SYT1: variants seen among roughly 807,000 people sequenced by gnomAD.
SYT1 encodes synaptotagmin 1, also known as synaptotagmin-1.
SYT1 carries 8 observed loss-of-function variants against 44.8 expected under a neutral mutation model. The ratio of observed to expected loss-of-function variants is 0.18; its 90% CI spans 0.10 to 0.32. The LOEUF is 0.32. SYT1 is among the 10% of genes least tolerant of loss of function. SYT1 has a pLI of 1.00. For synonymous variants in SYT1, 154 were observed against 188.8 expected (o/e 0.82, Z 1.51); for missense variants, 286 against 509.3 (o/e 0.56, Z 4.22).
At chr12:79,043,290 C>G (rs898074145) in intron 2 of SYT1, among the ~76,000 whole-genome samples, 4 of 150,830 alleles carry the variant, frequency 2.7e-5, no homozygotes, top group Admixed American at 2.6e-4. Context: ...TCAGGACTTG[C>G]TTTATGAATC....
intron 3 of SYT1, among the ~76,000 whole-genome samples, chr12:79,084,336 T>G (rs1702838268): frequency 6.6e-6 from 1 of 152,148 alleles, no homozygotes; most frequent in South Asian, 2.1e-4. Flanking sequence ...ATAAAGATAT[T>G]ATGAGGGTAA....
rs542185546 is a variant in SYT1 at position 79,022,950 on chromosome 12, T to C, written c.-83-24347T>C. On this transcript the variant is annotated intron_variant, in intron 2 of 10. Coordinates refer to ENST00000261205, the MANE Select transcript of SYT1 (RefSeq NM_005639.3). ...CTAGAAATAACCTTTAGATAAAATC[T>C]TGCTTCCATGCCGGTTTTTTATTTA... 3.9e-5 allele frequency among the ~76,000 whole-genome samples: 6 copies of C among 151,954 alleles called. No individual in the cohort carries two copies. The South Asian group carries it at 1.2e-3, about 31-fold the overall frequency.
Position 79,205,511 on chromosome 12 carries a change from G to A in SYT1, c.-17-11992G>A, listed in dbSNP as rs145692746. Among the ~76,000 whole-genome samples the A allele has an allele frequency of 8.7e-4, 133 of 152,228 alleles. 4 individuals carry two copies. In the East Asian group the frequency reaches 0.022, roughly 25 times the overall value. On this transcript the variant is annotated intron_variant, in intron 3 of 10. Coordinates refer to ENST00000261205, the MANE Select transcript of SYT1 (RefSeq NM_005639.3). ...ATAAGTGGATTATCAGCAAAACAAT[G>A]TTAAACTTGTGAATTCATTAATGAA...
At chr12:79,231,651 A>G (rs984109390) in intron 4 of SYT1, among the ~76,000 whole-genome samples, 1 of 152,316 alleles carries the variant, frequency 6.6e-6, no homozygotes, top group East Asian at 1.9e-4. Context: ...ATATTGTTCA[A>G]TGCCTTGAAG....
chr12:78,889,819 A>G lies in SYT1; in HGVS notation c.-217+24710A>G, dbSNP rs529304703. 1.7e-3 allele frequency among the ~76,000 whole-genome samples: 266 copies of G among 152,052 alleles called. 2 individuals are homozygous for G. Among genetic ancestry groups the G allele is most frequent in the African/African-American group, 6.2e-3 (259 of 41,532 alleles). ...TTTTGAAAACCTTAAATATTCTTCA[A>G]GGATGTTTTGTAAAATGCCTCAGTC... On this transcript the variant is annotated intron_variant, in intron 1 of 10. Coordinates refer to ENST00000261205, the MANE Select transcript of SYT1 (RefSeq NM_005639.3).
chr12:78,871,600 C>A (rs1873823350), intron 1 of SYT1, among the ~76,000 whole-genome samples: 1 of 151,866 alleles, frequency 6.6e-6, no homozygotes, highest in African/African-American at 2.4e-5. Context: ...GAAGCAAGGA[C>A]AAGTGCTATA....
intron 1 of SYT1, among the ~76,000 whole-genome samples, chr12:78,963,546 C>A (rs556543122): frequency 6.6e-6 from 1 of 152,036 alleles, no homozygotes; most frequent in Non-Finnish European, 1.5e-5. Context: ...ATACAGTTAG[C>A]TAGCAAATAT....
intron 2 of SYT1, among the ~76,000 whole-genome samples, chr12:79,012,852 G>A (rs1481919514): frequency 6.6e-6 from 1 of 152,100 alleles, no homozygotes; most frequent in Non-Finnish European, 1.5e-5. Context: ...TTTATGATGA[G>A]GTAATGTCCT....
chr12:78,906,203 G>GA lies in SYT1; in HGVS notation c.-217+41103dup, dbSNP rs143856801. ...ATAACATTAAGAAAGTCTTGAAATA[G>GA]AAAAAAAAACAAAATGAAATCAAAT... On this transcript the variant is annotated intron_variant, in intron 1 of 10. Coordinates refer to ENST00000261205, the MANE Select transcript of SYT1 (RefSeq NM_005639.3). Among the ~76,000 whole-genome samples, 202 of 149,330 alleles carry GA rather than the reference G, an allele frequency of 1.4e-3. 1 individual carries two copies. Among genetic ancestry groups the GA allele is most frequent in the Middle Eastern group, 3.4e-3 (1 of 292 alleles).
At chr12:79,221,258 G>T (rs1240834149) in intron 4 of SYT1, among the ~76,000 whole-genome samples, 4 of 151,778 alleles carry the variant, frequency 2.6e-5, no homozygotes, top group African/African-American at 7.2e-5. Context: ...GCTCTCTTTT[G>T]GTTTCCATTT....
chr12:79,117,452 C>T (rs1431173571), intron 3 of SYT1, among the ~76,000 whole-genome samples: 1 of 151,462 alleles, frequency 6.6e-6, no homozygotes, highest in Non-Finnish European at 1.5e-5. Flanking sequence ...CAGTTCCACA[C>T]CATCACTCTT....
Position 79,179,349 on chromosome 12 carries a change from T to C in SYT1, c.-17-38154T>C, listed in dbSNP as rs1331264303. On this transcript the variant is annotated intron_variant, in intron 3 of 10. Coordinates refer to ENST00000261205, the MANE Select transcript of SYT1 (RefSeq NM_005639.3). ...ATAGATATAGATATATCGATATGTCTATATCGATATAGATATAGATATAGA... is the reference window on the plus strand; with the variant it reads ...ATAGATATAGATATATCGATATGTCCATATCGATATAGATATAGATATAGA... Among the ~76,000 whole-genome samples, 14 of 47,752 alleles carry C rather than the reference T, an allele frequency of 2.9e-4. 3 individuals are homozygous for C. Among genetic ancestry groups the C allele is most frequent in the East Asian group, 1.2e-3 (2 of 1,610 alleles). The allele number at this position is 47,752 out of a possible 152,430, so 31.3% of individuals were successfully genotyped here.
chr12:79,437,520 G>C (rs1870159015), intron 9 of SYT1, among the ~76,000 whole-genome samples: 1 of 152,158 alleles, frequency 6.6e-6, no homozygotes, highest in African/African-American at 2.4e-5. Context: ...GATAAGAGAA[G>C]AGTTAAGGTG....
At chr12:78,929,285 C>A (rs921389296) in intron 1 of SYT1, among the ~76,000 whole-genome samples, 1 of 150,504 alleles carries the variant, frequency 6.6e-6, no homozygotes, top group Non-Finnish European at 1.5e-5. Context: ...GCCTGTAGTC[C>A]CAGCTACTCA....
chr12:79,336,458 C>G (rs993325264), intron 8 of SYT1, among the ~76,000 whole-genome samples: 1 of 152,102 alleles, frequency 6.6e-6, no homozygotes, highest in African/African-American at 2.4e-5. Context: ...ATATCTTTCT[C>G]TATTTTTCCT....
At chr12:78,931,219 GAAA>G (rs1565723263) in intron 1 of SYT1, among the ~76,000 whole-genome samples, 4 of 57,462 alleles carry the variant, frequency 7.0e-5, no homozygotes, top group African/African-American at 3.8e-4. Flanking sequence ...AAGAAAGAAA[GAAA>G]GAAAGAAAGA....
chr12:79,005,057 A>T (rs905062527), intron 2 of SYT1, among the ~76,000 whole-genome samples: 9 of 152,032 alleles, frequency 5.9e-5, no homozygotes, highest in Admixed American at 5.3e-4. Flanking sequence ...GTGTGGGCAC[A>T]GTAAAACTTT....
intron 3 of SYT1, among the ~76,000 whole-genome samples, chr12:79,199,174 CTGTT>C (rs747687286): frequency 2.0e-5 from 3 of 152,242 alleles, no homozygotes; most frequent in Admixed American, 6.5e-5. Flanking sequence ...CTTTGGAAGG[CTGTT>C]TGTCATTCAC....
intron 5 of SYT1, among the ~76,000 whole-genome samples, chr12:79,289,805 G>C (rs775234545): frequency 1.3e-5 from 2 of 151,752 alleles, no homozygotes; most frequent in Non-Finnish European, 2.9e-5. Context: ...GCACACCTAA[G>C]ACAGTGTTAA....
Sources: gnomAD v4.1 joint callset for allele counts (sites outside exome capture counted in the v4.1 genomes callset) on GRCh38, gnomAD v4.1.1 for gene constraint, MANE v1.5 for transcripts, NCBI Gene and HGNC (gene_info 2026-07-23, HGNC 2026-07-21) for gene names.